LRP1B: variants seen among roughly 807,000 people sequenced by gnomAD.
LRP1B encodes the protein LDL receptor related protein 1B.
In LRP1B, 217 loss-of-function variants were observed where a neutral mutation model predicts 556.6. That is an observed-to-expected ratio of 0.39 (90% CI 0.35 to 0.44). The LOEUF is 0.44. LRP1B is among the 20% of genes least tolerant of loss of function. The pLI is 1.00. For missense variants in LRP1B, 5,053 were observed against 5,620.8 expected (o/e 0.90, Z 3.23); for synonymous variants, 2,047 against 1,865.8 (o/e 1.10, Z -2.50).
intron 2 of LRP1B, among the ~76,000 whole-genome samples, chr2:141,766,606 C>T (rs1010128572): frequency 6.6e-6 from 1 of 152,076 alleles, no homozygotes; most frequent in East Asian, 1.9e-4. Context: ...CACTTCTCTC[C>T]AACAGAAAAT....
At chr2:140,320,046 C>T (rs1332754999) in intron 82 of LRP1B, among the ~76,000 whole-genome samples, 2 of 152,156 alleles carry the variant, frequency 1.3e-5, no homozygotes, top group Non-Finnish European at 2.9e-5. Flanking sequence ...CCATACTTCT[C>T]AGACAGCTTT....
chr2:141,292,028 G>A (rs563152847), intron 3 of LRP1B, among the ~76,000 whole-genome samples: 3 of 152,276 alleles, frequency 2.0e-5, no homozygotes, highest in South Asian at 2.1e-4. Context: ...TGTTAGGAAC[G>A]AGGCTGCGCA....
chr2:140,753,166 AT>A (rs1688640714), intron 35 of LRP1B, among the ~76,000 whole-genome samples: 1 of 152,108 alleles, frequency 6.6e-6, no homozygotes, highest in Admixed American at 6.6e-5. Flanking sequence ...TCATAGACAA[AT>A]TTTTCCAGTT....
intron 63 of LRP1B, 27 bp from the exon 64 acceptor site, chr2:140,444,706 G>C: frequency 7.1e-7 from 1 of 1,411,756 alleles, no homozygotes; most frequent in Non-Finnish European, 1.0e-6. Flanking sequence ...AGATATTGTG[G>C]AATGGTAATC....
intron 41 of LRP1B, among the ~76,000 whole-genome samples, chr2:140,667,200 G>T (rs1303326639): frequency 1.3e-5 from 2 of 152,116 alleles, no homozygotes; most frequent in Non-Finnish European, 2.9e-5. Context: ...GAGCAGAAAA[G>T]AAATAAATAT....
chr2:140,835,233 G>A (rs181259166), intron 31 of LRP1B, among the ~76,000 whole-genome samples: 5 of 152,262 alleles, frequency 3.3e-5, no homozygotes, highest in African/African-American at 4.8e-5. Context: ...AAACACAGAC[G>A]TAAGAGCTTC....
chr2:141,068,958 T>C (rs1699558678), intron 7 of LRP1B, among the ~76,000 whole-genome samples: 1 of 152,088 alleles, frequency 6.6e-6, no homozygotes. Context: ...GAAATATTAT[T>C]TTGGCCTAAA....
chr2:140,638,369 T>TA (rs1316618588), intron 41 of LRP1B, among the ~76,000 whole-genome samples: 2 of 151,844 alleles, frequency 1.3e-5, no homozygotes, highest in African/African-American at 2.4e-5. Context: ...ACCCCCAATT[T>TA]AAAAAAGACA....
At position 140,865,536 on chromosome 2, in the gene LRP1B, G is replaced by A. The variant is rs1337678508; in HGVS notation, c.4579+2054C>T. Reference sequence around the variant, plus strand: ...GCATCTTTTTTCCCTAGCAGTGGAAGTGTTACTTCACTGAAGCAGATAAAC... The same window carrying A: ...GCATCTTTTTTCCCTAGCAGTGGAAATGTTACTTCACTGAAGCAGATAAAC... On this transcript the variant is annotated intron_variant, in intron 27 of 90. Transcript: ENST00000389484. Among the ~76,000 whole-genome samples, 3 of 151,886 alleles carry A rather than the reference G, an allele frequency of 2.0e-5. No individual in the cohort carries two copies. In the East Asian group the frequency reaches 5.8e-4, roughly 29 times the overall value.
At chr2:140,407,458 C>T (rs536184956) in intron 66 of LRP1B, among the ~76,000 whole-genome samples, 21 of 151,988 alleles carry the variant, frequency 1.4e-4, no homozygotes, top group African/African-American at 4.3e-4. Flanking sequence ...CCAGAATGTA[C>T]AAGGAACTCA....
At chr2:141,477,557 A>G (rs569533315) in intron 3 of LRP1B, among the ~76,000 whole-genome samples, 1 of 152,322 alleles carries the variant, frequency 6.6e-6, no homozygotes, top group African/African-American at 2.4e-5. Flanking sequence ...ATTTAAACAC[A>G]AACTATATAA....
At chr2:140,326,267 CATTA>C (rs1209014151) in intron 79 of LRP1B, among the ~76,000 whole-genome samples, 1 of 151,630 alleles carries the variant, frequency 6.6e-6, no homozygotes, top group Non-Finnish European at 1.5e-5. Context: ...TTTATCGGAC[CATTA>C]TTTAAAATGA....
chr2:141,690,396 AATATATATATAT>A lies in LRP1B; in HGVS notation c.205+119871_205+119882del, dbSNP rs762453747. ...ATCCAGAAAAGGGATTACATCTATA[AATATATATATAT>A]ATATATATATATATATATATATATA... On this transcript the variant is annotated intron_variant, in intron 2 of 90. Coordinates refer to ENST00000389484, the MANE Select transcript of LRP1B (RefSeq NM_018557.3). Among the ~76,000 whole-genome samples, 19 of 26,936 alleles carry A rather than the reference AATATATATATAT, an allele frequency of 7.1e-4. No homozygotes were observed. In the East Asian group the frequency reaches 7.7e-3, roughly 11 times the overall value. The allele number at this position is 26,936 out of a possible 152,430, so 17.7% of individuals were successfully genotyped here.
intron 2 of LRP1B, among the ~76,000 whole-genome samples, chr2:141,529,446 A>G (rs1373689362): frequency 6.6e-6 from 1 of 152,226 alleles, no homozygotes; most frequent in Non-Finnish European, 1.5e-5. Flanking sequence ...ATCAATAAAC[A>G]TTTTGGGATA....
At chr2:140,304,839 G>GGAT (rs1325833314) in intron 83 of LRP1B, among the ~76,000 whole-genome samples, 1 of 152,152 alleles carries the variant, frequency 6.6e-6, no homozygotes, top group Non-Finnish European at 1.5e-5. Context: ...TGTATAAGGT[G>GGAT]TAAAGAAGTG....
chr2:141,000,595 C>T lies in LRP1B; in HGVS notation c.2503+4740G>A, dbSNP rs183998764. Among the ~76,000 whole-genome samples, 6 of 151,904 alleles carry T rather than the reference C, an allele frequency of 3.9e-5. No individual in the cohort carries two copies. In the East Asian group the frequency reaches 7.8e-4, roughly 20 times the overall value. On this transcript the variant is annotated intron_variant, in intron 15 of 90. Coordinates refer to ENST00000389484, the MANE Select transcript of LRP1B (RefSeq NM_018557.3). ...GTGTATACCCCAGTGAGCCTTTCTTCCTACATTCCACTTGCACTGTGGGCG... is the reference window on the plus strand; with the variant it reads ...GTGTATACCCCAGTGAGCCTTTCTTTCTACATTCCACTTGCACTGTGGGCG...
intron 3 of LRP1B, among the ~76,000 whole-genome samples, chr2:141,331,532 CTTTCTTTCT>C (rs1254369835): frequency 1.2e-5 from 1 of 85,624 alleles, no homozygotes; most frequent in African/African-American, 5.8e-5. Flanking sequence ...CTCTTTCTTT[CTTTCTTTCT>C]TTCTTTCTTT....
At chr2:140,670,430 A>G (rs768243699) in intron 41 of LRP1B, among the ~76,000 whole-genome samples, 4 of 152,196 alleles carry the variant, frequency 2.6e-5, no homozygotes, top group Non-Finnish European at 5.9e-5. Context: ...CACTTCCCAA[A>G]CCTAATAAAT....
chr2:141,743,522 A>C (rs1344410379), intron 2 of LRP1B, among the ~76,000 whole-genome samples: 1 of 65,584 alleles, frequency 1.5e-5, no homozygotes, highest in South Asian at 4.6e-4. Context: ...TTTTTTGATT[A>C]GTTTGAGTAG....
Sources: gnomAD v4.1 joint callset for allele counts (sites outside exome capture counted in the v4.1 genomes callset) on GRCh38, gnomAD v4.1.1 for gene constraint, MANE v1.5 for transcripts, NCBI Gene and HGNC (gene_info 2026-07-23, HGNC 2026-07-21) for gene names.